The following NSUN6 variants were observed in gnomAD, a reference collection of about 807,000 sequenced individuals.
The protein encoded by NSUN6 is NOP2/Sun RNA methyltransferase 6.
In NSUN6, 64 loss-of-function variants were observed where a neutral mutation model predicts 58.0. That is an observed-to-expected ratio of 1.10 (90% CI 0.90 to 1.36). NSUN6 has a LOEUF of 1.36. Ranked by LOEUF, NSUN6 falls within the 40% of genes most tolerant of loss-of-function variation. The pLI is 0.00. For synonymous variants in NSUN6, 231 were observed against 193.9 expected, an observed-to-expected ratio of 1.19 and a Z score of -1.59; for missense variants, 701 against 550.1, an observed-to-expected ratio of 1.27 and a Z score of -2.74.
At chr10:18,551,244 T>TTGTGTG (rs35396134) in intron 9 of NSUN6, among the ~76,000 whole-genome samples, 16,558 of 126,948 alleles carry the variant, frequency 0.13, 1,200 homozygotes, top group Middle Eastern at 0.18. Flanking sequence ...GTCCTCTCAG[T>TTGTGTG]TGTGTGTGTG....
intron 7 of NSUN6, among the ~76,000 whole-genome samples, chr10:18,587,660 C>T (rs1348336100): frequency 1.3e-5 from 2 of 152,098 alleles, no homozygotes; most frequent in South Asian, 2.1e-4. Flanking sequence ...TAGGATGGGG[C>T]GTCACTCACC....
At chr10:18,627,421 A>T (rs1381497257) in intron 3 of NSUN6, among the ~76,000 whole-genome samples, 5 of 152,254 alleles carry the variant, frequency 3.3e-5, no homozygotes, top group African/African-American at 1.2e-4. Flanking sequence ...GAGGAGAAGA[A>T]TAGGAACAGC....
At chr10:18,614,693 G>T in intron 4 of NSUN6, 80 bp from the exon 5 acceptor site, 1 of 618,050 alleles carries the variant, frequency 1.6e-6, no homozygotes, top group Non-Finnish European at 2.5e-6. Context: ...CTAGATCGGT[G>T]ATCTCTAGAG....
intron 3 of NSUN6, among the ~76,000 whole-genome samples, chr10:18,619,886 TG>T (rs1276425928): frequency 6.6e-6 from 1 of 152,128 alleles, no homozygotes; most frequent in African/African-American, 2.4e-5. Context: ...TCTGTGTGTG[TG>T]GTATCACACA....
chr10:18,561,011 G>A (rs1413402497), intron 8 of NSUN6, among the ~76,000 whole-genome samples: 1 of 149,986 alleles, frequency 6.7e-6, no homozygotes, highest in Non-Finnish European at 1.5e-5. Context: ...AATGGGGTAT[G>A]GAATGGAATG....
chr10:18,605,952 T>C (rs1176527475), intron 6 of NSUN6, among the ~76,000 whole-genome samples: 1 of 152,058 alleles, frequency 6.6e-6, no homozygotes, highest in Non-Finnish European at 1.5e-5. Context: ...AAAGAATATA[T>C]ATAAGAAATA....
At chr10:18,587,623 G>A (rs2057213369) in intron 7 of NSUN6, among the ~76,000 whole-genome samples, 1 of 152,084 alleles carries the variant, frequency 6.6e-6, no homozygotes. Flanking sequence ...TAGGCAGTGG[G>A]TGCAACGCAC....
intron 7 of NSUN6, among the ~76,000 whole-genome samples, chr10:18,586,507 G>A (rs550952925): frequency 5.9e-5 from 9 of 151,716 alleles, no homozygotes; most frequent in Admixed American, 2.0e-4. Flanking sequence ...TTGTTCCTCC[G>A]GGTGGGTTCG....
intron 10 of NSUN6, among the ~76,000 whole-genome samples, chr10:18,546,847 G>A (rs367640135): frequency 6.6e-6 from 1 of 151,698 alleles, no homozygotes; most frequent in African/African-American, 2.4e-5. Flanking sequence ...AATCCAGCCT[G>A]AGCGACAGAG....
At chr10:18,605,360 G>A (rs10828991) in intron 6 of NSUN6, among the ~76,000 whole-genome samples, 46,321 of 151,820 alleles carry the variant, frequency 0.31, 7,731 homozygotes, top group East Asian at 0.74. Context: ...GTGAGTATAC[G>A]CTGTTAATAA....
intron 3 of NSUN6, among the ~76,000 whole-genome samples, chr10:18,625,856 G>A (rs1385243640): frequency 6.6e-6 from 1 of 151,326 alleles, no homozygotes; most frequent in Non-Finnish European, 1.5e-5. Context: ...ACAACGTACT[G>A]TTAAAAGGAA....
chr10:18,592,501 A>G (rs1228239724), intron 7 of NSUN6, among the ~76,000 whole-genome samples: 1 of 152,146 alleles, frequency 6.6e-6, no homozygotes, highest in Non-Finnish European at 1.5e-5. Context: ...CAAAACAGCA[A>G]TGTACTGGTA....
chr10:18,553,375 G>C (rs1386350329), intron 8 of NSUN6, among the ~76,000 whole-genome samples: 1 of 151,956 alleles, frequency 6.6e-6, no homozygotes, highest in Non-Finnish European at 1.5e-5. Context: ...GAATGGAAGG[G>C]AATGGGAAGG....
upstream of NSUN6, among the ~76,000 whole-genome samples, chr10:18,657,554 A>G (rs2035752): frequency 0.2 from 30,719 of 152,130 alleles, 3,433 homozygotes; most frequent in Non-Finnish European, 0.26. Context: ...AAAATATCAT[A>G]AAAATGTTTA....
At chr10:18,577,721 T>A (rs1398205706) in intron 8 of NSUN6, among the ~76,000 whole-genome samples, 1 of 152,256 alleles carries the variant, frequency 6.6e-6, no homozygotes, top group Non-Finnish European at 1.5e-5. Context: ...GGCCTTCTAC[T>A]TTTAAACTTA....
chr10:18,628,999 A>G (rs2058930387), intron 3 of NSUN6, among the ~76,000 whole-genome samples: 1 of 152,212 alleles, frequency 6.6e-6, no homozygotes, highest in East Asian at 1.9e-4. Flanking sequence ...CAGGGCAGCC[A>G]GAGAGAAAGG....
At chr10:18,650,691 T>C (rs2059678042) in intron 1 of NSUN6, among the ~76,000 whole-genome samples, 1 of 152,160 alleles carries the variant, frequency 6.6e-6, no homozygotes, top group African/African-American at 2.4e-5. Context: ...AGGAAAAACC[T>C]CTAAGAAAAA....
chr10:18,640,687 T>C (rs1197818989), intron 3 of NSUN6, among the ~76,000 whole-genome samples: 2 of 152,158 alleles, frequency 1.3e-5, no homozygotes, highest in Non-Finnish European at 2.9e-5. Context: ...GGCTGCACAG[T>C]TGTACATATT....
upstream of NSUN6, chr10:18,652,570 T>A: frequency 5.9e-6 from 1 of 170,046 alleles, no homozygotes; most frequent in Non-Finnish European, 9.5e-6. Flanking sequence ...TTCTCTGCTC[T>A]TTTTTTTTTT....
Sources: gnomAD v4.1 joint callset for allele counts (sites outside exome capture counted in the v4.1 genomes callset) on GRCh38, gnomAD v4.1.1 for gene constraint, MANE v1.5 for transcripts, NCBI Gene and HGNC (gene_info 2026-07-23, HGNC 2026-07-21) for gene names.